TTC9: variants seen among roughly 807,000 people sequenced by gnomAD.
TTC9 encodes tetratricopeptide repeat protein 9A.
Under a neutral mutation model 22.9 loss-of-function variants are expected in TTC9, and 13 were observed. The observed-to-expected ratio is 0.57, with a 90% CI of 0.37 to 0.90. TTC9 has a LOEUF of 0.90. Among genes scored for constraint, TTC9 ranks in the 40% least tolerant of loss-of-function variants. The probability of loss-of-function intolerance (pLI) is 0.01; values close to 1 mark genes in which losing one functional copy is unlikely to be tolerated. For missense variants in TTC9, 280 were observed against 291.8 expected (o/e 0.96, Z 0.29); for synonymous variants, 148 against 133.2 (o/e 1.11, Z -0.77).
At position 70,671,106 on chromosome 14, in the gene TTC9, C is replaced by T. The variant is rs939532818; in HGVS notation, c.620C>T (p.Thr207Met). ...AACGTGATTCGGTATATCCAGCTGACGGAGATGAAACTCAGCCGATGCTCC... is the reference window on the plus strand; with the variant it reads ...AACGTGATTCGGTATATCCAGCTGATGGAGATGAAACTCAGCCGATGCTCC... ...DTNVIRYIQL[T>M]EMKLSRCSQR... Residue 207 changes from threonine to methionine, a missense_variant, in exon 3 of 3, where the codon ACG becomes ATG. Thr to Met is a moderately conservative substitution (Grantham distance 81, BLOSUM62 -1). Around this residue, in one of 5 missense-constraint regions of TTC9, gnomAD observed 22 missense variants for 20.4 expected, o/e 1.08. Coordinates refer to ENST00000256367, the MANE Select transcript of TTC9 (RefSeq NM_015351.2). 40 of 1,613,552 alleles carry T rather than the reference C, an allele frequency of 2.5e-5. No individual in the cohort carries two copies. Among genetic ancestry groups the T allele is most frequent in the Non-Finnish European group, 2.9e-5 (34 of 1,179,722 alleles).
At chr14:70,643,125 T>C (rs946046397) in intron 1 of TTC9, among the ~76,000 whole-genome samples, 2 of 152,218 alleles carry the variant, frequency 1.3e-5, no homozygotes, top group Non-Finnish European at 2.9e-5. Context: ...CTGCTGGGGC[T>C]CCCGGTTGCC....
chr14:70,669,371 T>G (rs1317522736), intron 2 of TTC9, among the ~76,000 whole-genome samples: 1 of 152,002 alleles, frequency 6.6e-6, no homozygotes, highest in Non-Finnish European at 1.5e-5. Flanking sequence ...CTTCCGCCTC[T>G]TGGGCTCAAA....
Position 70,673,663 on chromosome 14 carries a change from G to A in TTC9, c.*2508G>A, listed in dbSNP as rs1204957351. The A allele has an allele frequency of 6.6e-6, 1 of 151,908 alleles. No individual in the cohort carries two copies. Among genetic ancestry groups the A allele is most frequent in the African/African-American group, 2.4e-5 (1 of 41,312 alleles). 9.4% of individuals were successfully genotyped at this position (151,908 alleles called of 1,614,324 possible). On this transcript the variant is annotated 3_prime_UTR_variant, in exon 3 of 3. Transcript: ENST00000256367. Reference sequence around the variant, plus strand: ...TAGGATCTGAAGGATGAAGAGAAGGGTAGAGGTCACCTGGAGAATGAGTTC... The same window carrying A: ...TAGGATCTGAAGGATGAAGAGAAGGATAGAGGTCACCTGGAGAATGAGTTC...
At chr14:70,670,482 A>G (rs902867324) in intron 2 of TTC9, among the ~76,000 whole-genome samples, 5 of 151,930 alleles carry the variant, frequency 3.3e-5, no homozygotes, top group Non-Finnish European at 7.4e-5. Flanking sequence ...ATATGATGAA[A>G]CCCCGTCTCT....
chr14:70,657,535 A>T (rs1246438878), intron 1 of TTC9, among the ~76,000 whole-genome samples: 1 of 152,244 alleles, frequency 6.6e-6, no homozygotes, highest in Non-Finnish European at 1.5e-5. Flanking sequence ...GTCAGAAATT[A>T]ATGTGAATGG....
rs1035341079 is a variant in TTC9 at position 70,671,589 on chromosome 14, G to A, written c.*434G>A. 46 of 162,888 alleles carry A rather than the reference G, an allele frequency of 2.8e-4. 3 individuals carry two copies. The highest frequency in any genetic ancestry group is 1.5e-3 in the Admixed American group (24 of 16,484). 10.1% of individuals were successfully genotyped at this position (162,888 alleles called of 1,614,324 possible). A position where few individuals can be genotyped will look rare whatever the true frequency, so the allele number is the denominator to read the frequency against. On this transcript the variant is annotated 3_prime_UTR_variant, in exon 3 of 3. Coordinates refer to ENST00000256367, the MANE Select transcript of TTC9 (RefSeq NM_015351.2). ...TGACAGACCAGAACCAGAGCATCTC[G>A]AGGCAACTGTTAGAAATCCAGGGAC...
rs1594740658 is a variant in TTC9 at position 70,664,319 on chromosome 14, G to A, written c.407-3245G>A. ...TACCTATCCCATGGGCTTACTAGAT[G>A]TACCAGTAGCCACCCACCCAAAGCA... On this transcript the variant is annotated intron_variant, in intron 1 of 2. Transcript: ENST00000256367. Among the ~76,000 whole-genome samples the A allele has an allele frequency of 3.3e-5, 5 of 151,418 alleles. No individual in the cohort carries two copies. The South Asian group carries it at 1.0e-3, about 32-fold the overall frequency.
chr14:70,642,067 CGCGGCGGCGGCG>C lies in TTC9; in HGVS notation c.-52_-41del. ...CCCGCGGCTTTTAAACCCGGGAAGGCGCGGCGGCGGCGGCGGCGGCGGGCAGATCGCGGCGCG... is the reference window on the plus strand; with the variant it reads ...CCCGCGGCTTTTAAACCCGGGAAGGCGCGGCGGCGGGCAGATCGCGGCGCG... On this transcript the variant is annotated 5_prime_UTR_variant, in exon 1 of 3. Transcript: ENST00000256367. The C allele has an allele frequency of 2.0e-6, 2 of 996,230 alleles. No individual in the cohort carries two copies. The highest frequency in any genetic ancestry group is 2.4e-6 in the Non-Finnish European group (2 of 834,220). The allele number at this position is 996,230 out of a possible 1,614,324, so 61.7% of individuals were successfully genotyped here.
chr14:70,662,512 A>G (rs1886158558), intron 1 of TTC9, among the ~76,000 whole-genome samples: 1 of 152,178 alleles, frequency 6.6e-6, no homozygotes, highest in Non-Finnish European at 1.5e-5. Context: ...GTCCTCCCCA[A>G]CAAAAGATAC....
Position 70,671,212 on chromosome 14 carries a change from C to A in TTC9, c.*57C>A. The A allele has an allele frequency of 6.8e-7, 1 of 1,470,474 alleles. No individual in the cohort carries two copies. Among genetic ancestry groups the A allele is most frequent in the South Asian group, 1.1e-5 (1 of 87,034 alleles). 91.1% of individuals were successfully genotyped at this position (1,470,474 alleles called of 1,614,324 possible). On this transcript the variant is annotated 3_prime_UTR_variant, in exon 3 of 3. Coordinates refer to ENST00000256367, the MANE Select transcript of TTC9 (RefSeq NM_015351.2). ...CTGACCGGGGACTTCCAGGCATCCC[C>A]TGGCAGAGAGCCCCGTCCTGGATTC...
chr14:70,649,816 G>A (rs895580763), intron 1 of TTC9, among the ~76,000 whole-genome samples: 2 of 152,102 alleles, frequency 1.3e-5, no homozygotes, highest in Non-Finnish European at 2.9e-5. Context: ...TACTGTGAAC[G>A]TGCCTTGTGT....
chr14:70,648,124 G>T (rs772023197), intron 1 of TTC9, among the ~76,000 whole-genome samples: 2 of 152,226 alleles, frequency 1.3e-5, no homozygotes, highest in Non-Finnish European at 2.9e-5. Flanking sequence ...GAAGGGAAAA[G>T]AATATAGGCC....
At chr14:70,653,529 A>G (rs1357979344) in intron 1 of TTC9, among the ~76,000 whole-genome samples, 1 of 152,214 alleles carries the variant, frequency 6.6e-6, no homozygotes, top group Non-Finnish European at 1.5e-5. Flanking sequence ...CCAAGAGCCC[A>G]TGGGTCAGGG....
chr14:70,645,452 T>G (rs901721188), intron 1 of TTC9, among the ~76,000 whole-genome samples: 1 of 152,228 alleles, frequency 6.6e-6, no homozygotes, highest in African/African-American at 2.4e-5. Context: ...GTATCCTGCT[T>G]TTAATCCCAG....
At chr14:70,664,270 C>G (rs1886182671) in intron 1 of TTC9, among the ~76,000 whole-genome samples, 1 of 151,610 alleles carries the variant, frequency 6.6e-6, no homozygotes, top group African/African-American at 2.4e-5. Flanking sequence ...TCAGCCCTCA[C>G]ACGTGCCTGC....
At chr14:70,645,091 G>A (rs773465693) in intron 1 of TTC9, among the ~76,000 whole-genome samples, 9 of 151,932 alleles carry the variant, frequency 5.9e-5, no homozygotes, top group East Asian at 1.9e-4. Context: ...CAGCCTGGGC[G>A]ACAGAACGAG....
At chr14:70,648,124 G>A (rs772023197) in intron 1 of TTC9, among the ~76,000 whole-genome samples, 13 of 152,226 alleles carry the variant, frequency 8.5e-5, no homozygotes, top group Non-Finnish European at 8.8e-5. Flanking sequence ...GAAGGGAAAA[G>A]AATATAGGCC....
At chr14:70,646,669 A>G (rs1005787338) in intron 1 of TTC9, among the ~76,000 whole-genome samples, 3 of 152,142 alleles carry the variant, frequency 2.0e-5, no homozygotes, top group Admixed American at 6.5e-5. Flanking sequence ...AGCCCCTGCC[A>G]TTTTACTTTA....
chr14:70,642,031 C>A lies in TTC9; in HGVS notation c.-99C>A. 1.2e-6 allele frequency: 1 copy of A among 836,658 alleles called. No individual in the cohort carries two copies. Among genetic ancestry groups the A allele is most frequent in the Non-Finnish European group, 1.4e-6 (1 of 690,762 alleles). The allele number at this position is 836,658 out of a possible 1,614,324, so 51.8% of individuals were successfully genotyped here. A position where few individuals can be genotyped will look rare whatever the true frequency, so the allele number is the denominator to read the frequency against. On this transcript the variant is annotated 5_prime_UTR_variant, in exon 1 of 3. Coordinates refer to ENST00000256367, the MANE Select transcript of TTC9 (RefSeq NM_015351.2). ...CGGCCGCCACGAAGCCTGCGAGGCG[C>A]GGGGCCGGCGCCCGCGGCTTTTAAA... is the stretch of plus-strand genomic sequence containing the variant.
Sources: allele counts gnomAD v4.1 joint callset (sites outside exome capture counted in the v4.1 genomes callset), GRCh38; gene constraint gnomAD v4.1.1; regional missense constraint gnomAD v4.1.1; transcripts MANE v1.5; gene names NCBI Gene and HGNC (gene_info 2026-07-23, HGNC 2026-07-21).